Variants in ZNF804A observed in about 807,000 individuals in gnomAD.
The protein encoded by ZNF804A is zinc finger protein 804A.
ZNF804A carries 2 observed loss-of-function variants against 16.5 expected under a neutral mutation model. The ratio of observed to expected loss-of-function variants is 0.12; its 90% CI spans 0.05 to 0.38. ZNF804A has a LOEUF of 0.38. ZNF804A is among the 10% of genes least tolerant of loss of function. The pLI is 0.99. For missense variants in ZNF804A, 1,473 were observed against 1,390.7 expected (o/e 1.06, Z -0.94); for synonymous variants, 534 against 489.6 (o/e 1.09, Z -1.20).
At chr2:184,818,724 A>T (rs750214571) in intron 1 of ZNF804A, among the ~76,000 whole-genome samples, 1 of 152,062 alleles carries the variant, frequency 6.6e-6, no homozygotes, top group Non-Finnish European at 1.5e-5. Context: ...TAGAAGGCAA[A>T]TAAAAAACAA....
At chr2:184,618,697 A>G (rs1354997501) in intron 1 of ZNF804A, among the ~76,000 whole-genome samples, 1 of 152,034 alleles carries the variant, frequency 6.6e-6, no homozygotes, top group African/African-American at 2.4e-5. Context: ...AACCTTCTAT[A>G]TACTATTAAG....
chr2:184,800,445 G>A (rs1490395339), intron 1 of ZNF804A, among the ~76,000 whole-genome samples: 1 of 151,458 alleles, frequency 6.6e-6, no homozygotes, highest in Admixed American at 6.6e-5. Context: ...TTTACTCAAA[G>A]AACTGCTTTA....
At chr2:184,777,630 A>T (rs1694309294) in intron 1 of ZNF804A, among the ~76,000 whole-genome samples, 2 of 151,660 alleles carry the variant, frequency 1.3e-5, no homozygotes, top group African/African-American at 4.8e-5. Flanking sequence ...TCATACAACC[A>T]TTCAAAATTT....
At chr2:184,845,118 T>C (rs1176481468) in intron 1 of ZNF804A, among the ~76,000 whole-genome samples, 1 of 152,102 alleles carries the variant, frequency 6.6e-6, no homozygotes, top group Non-Finnish European at 1.5e-5. Context: ...TTGCATTGTG[T>C]CTACTTTTTC....
At chr2:184,676,438 CAT>C (rs1287141597) in intron 1 of ZNF804A, among the ~76,000 whole-genome samples, 1 of 151,374 alleles carries the variant, frequency 6.6e-6, no homozygotes, top group East Asian at 1.9e-4. Context: ...AATAGTTTAA[CAT>C]ATTATCAAGG....
intron 1 of ZNF804A, among the ~76,000 whole-genome samples, chr2:184,689,354 A>T (rs142213911): frequency 2.6e-5 from 4 of 152,128 alleles, no homozygotes; most frequent in East Asian, 1.9e-4. Context: ...TAAACCTGAC[A>T]TTAGCAGTCT....
intron 1 of ZNF804A, among the ~76,000 whole-genome samples, chr2:184,771,627 C>G (rs911904388): frequency 2.0e-5 from 3 of 151,842 alleles, no homozygotes; most frequent in African/African-American, 7.3e-5. Flanking sequence ...GTCTACTGGC[C>G]TTTCTCATCT....
intron 1 of ZNF804A, among the ~76,000 whole-genome samples, chr2:184,736,614 G>C (rs1035243700): frequency 6.6e-6 from 1 of 151,962 alleles, no homozygotes; most frequent in Admixed American, 6.6e-5. Flanking sequence ...GAACCTAGAT[G>C]GTGGGTCAAT....
intron 1 of ZNF804A, among the ~76,000 whole-genome samples, chr2:184,736,876 C>G (rs1448851764): frequency 4.8e-5 from 7 of 145,194 alleles, no homozygotes; most frequent in Admixed American, 4.1e-4. Context: ...TTTTTTTCTG[C>G]ATAAAGCACT....
intron 1 of ZNF804A, among the ~76,000 whole-genome samples, chr2:184,818,975 C>T (rs1574226744): frequency 1.3e-5 from 2 of 151,816 alleles, no homozygotes; most frequent in South Asian, 2.1e-4. Flanking sequence ...AGTCTAACAC[C>T]CCACTGACAA....
intron 1 of ZNF804A, among the ~76,000 whole-genome samples, chr2:184,692,812 G>C (rs1692754299): frequency 6.6e-6 from 1 of 152,120 alleles, no homozygotes; most frequent in Admixed American, 6.5e-5. Flanking sequence ...CATTTAGCCA[G>C]TATAAGTAGC....
intron 1 of ZNF804A, among the ~76,000 whole-genome samples, chr2:184,672,219 C>T (rs571444127): frequency 1.4e-3 from 206 of 152,250 alleles, no homozygotes; most frequent in Non-Finnish European, 2.6e-3. Context: ...ACTATCTTTG[C>T]TTATTGCATA....
At chr2:184,667,138 AAT>A (rs1209356135) in intron 1 of ZNF804A, among the ~76,000 whole-genome samples, 2 of 151,918 alleles carry the variant, frequency 1.3e-5, no homozygotes, top group Non-Finnish European at 2.9e-5. Flanking sequence ...CTATAATTTG[AAT>A]TTTAGTGCTT....
chr2:184,803,539 C>T (rs1433791319), intron 1 of ZNF804A, among the ~76,000 whole-genome samples: 2 of 152,086 alleles, frequency 1.3e-5, no homozygotes, highest in African/African-American at 4.8e-5. Flanking sequence ...ATCATATGTG[C>T]TAGATACCCT....
At position 184,828,271 on chromosome 2, in the gene ZNF804A, A is replaced by G. The variant is rs1015218628; in HGVS notation, c.112-38098A>G. 2.6e-5 allele frequency among the ~76,000 whole-genome samples: 4 copies of G among 151,902 alleles called. 1 individual carries two copies. Among genetic ancestry groups the G allele is most frequent in the Admixed American group, 6.6e-5 (1 of 15,234 alleles). On this transcript the variant is annotated intron_variant, in intron 1 of 3. Coordinates refer to ENST00000302277, the MANE Select transcript of ZNF804A (RefSeq NM_194250.2). ...TAAACAACTGAATGATTTTCCATCC[A>G]GTAGACTCAGAGTCCACAAATAGTT...
intron 2 of ZNF804A, among the ~76,000 whole-genome samples, chr2:184,906,992 A>G (rs1043788520): frequency 3.3e-5 from 5 of 152,180 alleles, no homozygotes; most frequent in Non-Finnish European, 5.9e-5. Flanking sequence ...GACAGCCAAC[A>G]AGAAAACAGG....
At chr2:184,677,667 ATTAT>A (rs1304519759) in intron 1 of ZNF804A, among the ~76,000 whole-genome samples, 1 of 152,012 alleles carries the variant, frequency 6.6e-6, no homozygotes, top group Non-Finnish European at 1.5e-5. Flanking sequence ...AATAGTTATT[ATTAT>A]TTAAGAACAA....
At chr2:184,631,763 T>C (rs17430628) in intron 1 of ZNF804A, among the ~76,000 whole-genome samples, 16,638 of 152,222 alleles carry the variant, frequency 0.11, 1,176 homozygotes, top group Non-Finnish European at 0.16. Context: ...TCTAACTCAA[T>C]TGATAACTTT....
chr2:184,601,882 A>T (rs1691055062), intron 1 of ZNF804A, among the ~76,000 whole-genome samples: 1 of 151,962 alleles, frequency 6.6e-6, no homozygotes, highest in African/African-American at 2.4e-5. Flanking sequence ...TTTAAAATTC[A>T]AATTTAGAAA....
Sources: allele counts gnomAD v4.1 joint callset (sites outside exome capture counted in the v4.1 genomes callset), GRCh38; gene constraint gnomAD v4.1.1; transcripts MANE v1.5; gene names NCBI Gene and HGNC (gene_info 2026-07-23, HGNC 2026-07-21).